The following TMEM232 variants were observed in gnomAD, a reference collection of about 807,000 sequenced individuals.
TMEM232 encodes transmembrane protein 232.
A neutral mutation model predicts 78.8 loss-of-function variants in TMEM232; 80 were observed. The observed-to-expected ratio is 1.01, with a 90% CI of 0.85 to 1.22. The LOEUF (loss-of-function observed/expected upper bound fraction) is 1.22, where lower values mean the gene tolerates loss of function less well. TMEM232 is among the 50% of genes most tolerant of loss of function. TMEM232 has a pLI of 0.00. For synonymous variants in TMEM232, 297 were observed against 254.3 expected (o/e 1.17, Z -1.60); for missense variants, 881 against 742.2 (o/e 1.19, Z -2.17).
intron 12 of TMEM232, among the ~76,000 whole-genome samples, chr5:110,526,485 C>G (rs1472584540): frequency 6.6e-6 from 1 of 151,738 alleles, no homozygotes; most frequent in Non-Finnish European, 1.5e-5. Flanking sequence ...AATTAAAATG[C>G]TAAAAATTAC....
At chr5:110,519,673 A>G (rs1359360205) in intron 12 of TMEM232, among the ~76,000 whole-genome samples, 1 of 152,090 alleles carries the variant, frequency 6.6e-6, no homozygotes, top group Non-Finnish European at 1.5e-5. Context: ...TTGCACTCCC[A>G]TGTTTATCAC....
At position 110,408,002 on chromosome 5, in the gene TMEM232, G is replaced by A. The variant is rs984593101; in HGVS notation, n.309-10148C>T. Among the ~76,000 whole-genome samples the A allele has an allele frequency of 1.3e-4, 19 of 151,862 alleles. No homozygotes were observed. In the East Asian group the frequency reaches 3.5e-3, roughly 28 times the overall value. On this transcript the variant is annotated intron_variant and non_coding_transcript_variant, in intron 2 of 8. Coordinates refer to the TMEM232 transcript ENST00000507188. ...GCCAATGGGTCAATGAAATAATTAC[G>A]AATGAAATTTAAATTTTTTTAAACA...
chr5:110,505,569 T>G (rs1451148786), intron 12 of TMEM232, among the ~76,000 whole-genome samples: 1 of 152,192 alleles, frequency 6.6e-6, no homozygotes, highest in Non-Finnish European at 1.5e-5. Context: ...TGCAGTGGCA[T>G]GATCTCAGCT....
intron 12 of TMEM232, among the ~76,000 whole-genome samples, chr5:110,469,737 A>T (rs1428382377): frequency 6.6e-6 from 1 of 152,170 alleles, no homozygotes; most frequent in African/African-American, 2.4e-5. Flanking sequence ...GAAATGACAC[A>T]TTGCCTTCCA....
intron 1 of TMEM232, among the ~76,000 whole-genome samples, chr5:110,708,696 A>G (rs1796182568): frequency 6.6e-6 from 1 of 152,178 alleles, no homozygotes; most frequent in African/African-American, 2.4e-5. Context: ...TTGCAAGCCT[A>G]ATGGTAAGTG....
chr5:110,535,291 T>A (rs975117487), intron 11 of TMEM232, among the ~76,000 whole-genome samples: 2 of 152,112 alleles, frequency 1.3e-5, no homozygotes, highest in African/African-American at 4.8e-5. Context: ...TCCTGGCTCA[T>A]ACTGACTCGA....
chr5:110,446,786 ATATT>A (rs1459049977), intron 12 of TMEM232, among the ~76,000 whole-genome samples: 5 of 152,188 alleles, frequency 3.3e-5, no homozygotes, highest in Non-Finnish European at 7.3e-5. Flanking sequence ...AGTCTGGAGA[ATATT>A]CATTCTTTTG....
intron 1 of TMEM232, among the ~76,000 whole-genome samples, chr5:110,696,301 C>T (rs1794773263): frequency 1.3e-5 from 2 of 152,118 alleles, no homozygotes; most frequent in South Asian, 2.1e-4. Flanking sequence ...TGGGACGTAT[C>T]TCAAAATAAT....
chr5:110,671,398 G>C (rs1441985383), intron 1 of TMEM232, among the ~76,000 whole-genome samples: 1 of 152,138 alleles, frequency 6.6e-6, no homozygotes, highest in African/African-American at 2.4e-5. Flanking sequence ...CCATTACTGG[G>C]TATATAACCA....
intron 11 of TMEM232, among the ~76,000 whole-genome samples, chr5:110,542,523 G>A (rs1773262949): frequency 6.6e-6 from 1 of 152,214 alleles, no homozygotes; most frequent in Middle Eastern, 3.4e-3. Flanking sequence ...TCATTAGACA[G>A]AGCAGAATGA....
intron 11 of TMEM232, among the ~76,000 whole-genome samples, chr5:110,539,551 T>G (rs1464289193): frequency 6.6e-6 from 1 of 152,182 alleles, no homozygotes; most frequent in East Asian, 1.9e-4. Context: ...TTTTCACCTT[T>G]GAATGGAAAA....
chr5:110,622,898 C>T (rs1445865762), intron 7 of TMEM232, among the ~76,000 whole-genome samples: 5 of 151,268 alleles, frequency 3.3e-5, no homozygotes, highest in East Asian at 3.9e-4. Context: ...TGCTAGATGA[C>T]GAGTTAGTGG....
At chr5:110,524,457 GAAAA>G (rs1770259285) in intron 12 of TMEM232, among the ~76,000 whole-genome samples, 2 of 150,824 alleles carry the variant, frequency 1.3e-5, no homozygotes, top group Non-Finnish European at 3.0e-5. Context: ...AAGAAAGAAA[GAAAA>G]AGAAAGAAAG....
intron 11 of TMEM232, among the ~76,000 whole-genome samples, chr5:110,560,640 C>G (rs1411466726): frequency 6.6e-6 from 1 of 152,038 alleles, no homozygotes; most frequent in Non-Finnish European, 1.5e-5. Flanking sequence ...TTTGAGCTGA[C>G]AATTCACTAA....
At chr5:110,391,147 C>G (rs1756029571) in intron 3 of TMEM232, among the ~76,000 whole-genome samples, 1 of 152,066 alleles carries the variant, frequency 6.6e-6, no homozygotes, top group Non-Finnish European at 1.5e-5. Context: ...CAGGGATGGC[C>G]TTTTTGCTGC....
At chr5:110,699,635 T>C (rs1355067988) in intron 1 of TMEM232, among the ~76,000 whole-genome samples, 1 of 151,986 alleles carries the variant, frequency 6.6e-6, no homozygotes, top group East Asian at 1.9e-4. Context: ...TGAACCACAA[T>C]ATCTTGGAAA....
chr5:110,735,197 A>C (rs1038269973), intron 1 of TMEM232, among the ~76,000 whole-genome samples: 21 of 152,222 alleles, frequency 1.4e-4, no homozygotes, highest in African/African-American at 4.8e-4. Context: ...CAAAATGTTA[A>C]CATAAATGAA....
Position 110,625,576 on chromosome 5 carries a change from T to G in TMEM232, c.602-143A>C. The G allele has an allele frequency of 6.3e-6, 4 of 638,886 alleles. No homozygotes were observed. The East Asian group carries it at 1.3e-4, about 21-fold the overall frequency. The allele number at this position is 638,886 out of a possible 1,614,324, so 39.6% of individuals were successfully genotyped here. On this transcript the variant is annotated intron_variant, in intron 6 of 13. Coordinates refer to ENST00000455884, the MANE Select transcript of TMEM232 (RefSeq NM_001039763.4). Reference sequence around the variant, plus strand: ...GTTTCCTATTTAAGATTTATAATGTTATGTATGCCCCCTGGTGGTATAATA... The same window carrying G: ...GTTTCCTATTTAAGATTTATAATGTGATGTATGCCCCCTGGTGGTATAATA...
intron 11 of TMEM232, among the ~76,000 whole-genome samples, chr5:110,552,895 T>G (rs1418940597): frequency 6.6e-6 from 1 of 152,108 alleles, no homozygotes; most frequent in Non-Finnish European, 1.5e-5. Flanking sequence ...AGTCTCTAAT[T>G]AATCTTGAGT....
Sources: allele counts gnomAD v4.1 joint callset (sites outside exome capture counted in the v4.1 genomes callset), GRCh38; gene constraint gnomAD v4.1.1; transcripts MANE v1.5; gene names NCBI Gene and HGNC (gene_info 2026-07-23, HGNC 2026-07-21).